Variants in NDUFAF6 observed in about 807,000 individuals in gnomAD.
NDUFAF6 encodes NADH dehydrogenase (ubiquinone) complex I, assembly factor 6.
In NDUFAF6, 45 loss-of-function variants were observed where a neutral mutation model predicts 40.8. The observed-to-expected ratio is 1.10, with a 90% CI of 0.87 to 1.42. The LOEUF (loss-of-function observed/expected upper bound fraction) is 1.42. NDUFAF6 is among the 40% of genes most tolerant of loss of function. NDUFAF6 has a pLI of 0.00. For synonymous variants in NDUFAF6, 185 were observed against 155.9 expected (o/e 1.19, Z -1.39); for missense variants, 435 against 418.5 (o/e 1.04, Z -0.34).
At chr8:94,910,279 A>G (rs952988227) in intron 1 of NDUFAF6, among the ~76,000 whole-genome samples, 2 of 152,050 alleles carry the variant, frequency 1.3e-5, no homozygotes, top group Non-Finnish European at 2.9e-5. Flanking sequence ...CAGCCTCCCA[A>G]GTAGCTGGGA....
chr8:94,934,479 G>A (rs970163090), intron 1 of NDUFAF6, among the ~76,000 whole-genome samples: 1 of 151,246 alleles, frequency 6.6e-6, no homozygotes, highest in African/African-American at 2.4e-5. Flanking sequence ...TCTGCCTCCC[G>A]GGTTCAAGCA....
intron 1 of NDUFAF6, among the ~76,000 whole-genome samples, chr8:94,976,698 G>A (rs779006824): frequency 1.3e-5 from 2 of 151,912 alleles, no homozygotes; most frequent in Non-Finnish European, 2.9e-5. Flanking sequence ...CTGATGTTTG[G>A]AGAATGATGG....
At chr8:94,967,855 C>T (rs1238308278) in intron 1 of NDUFAF6, among the ~76,000 whole-genome samples, 4 of 151,638 alleles carry the variant, frequency 2.6e-5, no homozygotes, top group Admixed American at 6.6e-5. Context: ...GCAGGAGAAT[C>T]GTTCGAACCT....
intron 1 of NDUFAF6, among the ~76,000 whole-genome samples, chr8:94,966,994 A>G (rs867005975): frequency 6.6e-6 from 1 of 152,194 alleles, no homozygotes; most frequent in Non-Finnish European, 1.5e-5. Flanking sequence ...TGCACCAACT[A>G]AATCAGGTTC....
Position 95,011,450 on chromosome 8 carries a change from G to A in NDUFAF6, c.-83-20545G>A, listed in dbSNP as rs112049419. Among the ~76,000 whole-genome samples, 1,479 of 152,274 alleles carry A rather than the reference G, an allele frequency of 9.7e-3. 16 individuals are homozygous for A. The highest frequency in any genetic ancestry group is 0.016 in the Non-Finnish European group (1,079 of 68,022). On this transcript the variant is annotated intron_variant, in intron 2 of 9. Transcript: ENST00000396111. ...TCCCTTAATCTGATAAAATGGTTGT[G>A]GGAAATTCTTGCTTTAAGTGGCACT...
At position 95,031,869 on chromosome 8, in the gene NDUFAF6, G is replaced by C. The variant is rs568205410; in HGVS notation, c.198-126G>C. 119 of 860,230 alleles carry C rather than the reference G, an allele frequency of 1.4e-4. 1 individual carries two copies. The East Asian group carries it at 3.1e-3, about 22-fold the overall frequency. 53.3% of individuals were successfully genotyped at this position (860,230 alleles called of 1,614,324 possible). A position where few individuals can be genotyped will look rare whatever the true frequency, so the allele number is the denominator to read the frequency against. On this transcript the variant is annotated intron_variant, in intron 1 of 8. Coordinates refer to ENST00000396124, the MANE Select transcript of NDUFAF6 (RefSeq NM_152416.4). ...GCCCGCCTTGGCCTCCCAAAGTGCTGGGATTACAGGCATGAGCTACCGCGC... is the reference window on the plus strand; with the variant it reads ...GCCCGCCTTGGCCTCCCAAAGTGCTCGGATTACAGGCATGAGCTACCGCGC...
At chr8:95,113,842 T>G (rs1393500442) in intron 4 of NDUFAF6, among the ~76,000 whole-genome samples, 1 of 152,030 alleles carries the variant, frequency 6.6e-6, no homozygotes, top group Non-Finnish European at 1.5e-5. Context: ...AGAGACTCCG[T>G]CTCAAAATTT....
intron 2 of NDUFAF6, among the ~76,000 whole-genome samples, chr8:95,011,255 C>T (rs1827216725): frequency 6.6e-6 from 1 of 152,188 alleles, no homozygotes; most frequent in Non-Finnish European, 1.5e-5. Flanking sequence ...CAAAAAACTT[C>T]AAATCTTATC....
chr8:95,076,514 T>C (rs1268474963), downstream of NDUFAF6, among the ~76,000 whole-genome samples: 1 of 152,210 alleles, frequency 6.6e-6, no homozygotes, highest in East Asian at 1.9e-4. Context: ...TCTCTTCGTC[T>C]TTTTCTTCCT....
chr8:95,039,845 C>A (rs932562549), intron 3 of NDUFAF6, among the ~76,000 whole-genome samples: 2 of 152,076 alleles, frequency 1.3e-5, no homozygotes, highest in African/African-American at 4.8e-5. Context: ...TGGTCTTGAA[C>A]TCCTGAACTC....
rs190162853 is a variant in NDUFAF6, at chr8:95,100,901, G to A, written n.136-231G>A. ...GCTCTCTTCCCTCCCGACCCCCCTC[G>A]CCCCAAGGTTACCGTAAAAAGCGGG... On this transcript the variant is annotated intron_variant and non_coding_transcript_variant, in intron 1 of 2. Transcript: ENST00000521063. 9.6e-4 allele frequency among the ~76,000 whole-genome samples: 146 copies of A among 152,096 alleles called. 1 individual carries two copies. Among genetic ancestry groups the A allele is most frequent in the Non-Finnish European group, 1.8e-3 (123 of 67,996 alleles).
chr8:94,899,516 A>G (rs1817878160), intron 1 of NDUFAF6, among the ~76,000 whole-genome samples: 1 of 152,108 alleles, frequency 6.6e-6, no homozygotes, highest in African/African-American at 2.4e-5. Context: ...TTCCACCAAC[A>G]CTATAAGACA....
intron 1 of NDUFAF6, among the ~76,000 whole-genome samples, chr8:94,978,102 G>T (rs1442968074): frequency 1.3e-5 from 2 of 152,074 alleles, no homozygotes; most frequent in African/African-American, 4.8e-5. Context: ...GCAACTCTTG[G>T]GGGGCTCCTG....
At chr8:94,904,207 G>A (rs1294519716) in intron 1 of NDUFAF6, among the ~76,000 whole-genome samples, 1 of 150,878 alleles carries the variant, frequency 6.6e-6, no homozygotes, top group East Asian at 1.9e-4. Flanking sequence ...GCAGTGGCGC[G>A]ATCTCGGCTC....
At chr8:95,114,163 A>ACAAACAAAC (rs1554693678) in intron 4 of NDUFAF6, among the ~76,000 whole-genome samples, 156 of 151,502 alleles carry the variant, frequency 1.0e-3, no homozygotes, top group Non-Finnish European at 1.6e-3. Flanking sequence ...TAATAATAAT[A>ACAAACAAAC]AAACAAACAA....
chr8:94,969,350 C>T (rs999464089), intron 1 of NDUFAF6, among the ~76,000 whole-genome samples: 1 of 152,204 alleles, frequency 6.6e-6, no homozygotes, highest in African/African-American at 2.4e-5. Context: ...AAGAGAGGTG[C>T]TGTTGCCCTT....
intron 2 of NDUFAF6, among the ~76,000 whole-genome samples, chr8:94,986,424 G>A (rs1450495651): frequency 6.6e-6 from 1 of 152,174 alleles, no homozygotes; most frequent in Non-Finnish European, 1.5e-5. Flanking sequence ...AGACATGAAG[G>A]TCCTTGAGGA....
intron 1 of NDUFAF6, among the ~76,000 whole-genome samples, chr8:94,896,290 G>A (rs1191130640): frequency 2.0e-5 from 3 of 148,526 alleles, no homozygotes; most frequent in Admixed American, 6.7e-5. Flanking sequence ...CCGCCAGCGC[G>A]CCCTGCGGAG....
intron 2 of NDUFAF6, among the ~76,000 whole-genome samples, chr8:94,984,427 C>T (rs2131592315): frequency 6.6e-6 from 1 of 152,290 alleles, no homozygotes; most frequent in South Asian, 2.1e-4. Flanking sequence ...AAACAAAAAA[C>T]TGATAATGTT....
Sources: gnomAD v4.1 joint callset for allele counts (sites outside exome capture counted in the v4.1 genomes callset) on GRCh38, gnomAD v4.1.1 for gene constraint, MANE v1.5 for transcripts, NCBI Gene and HGNC (gene_info 2026-07-23, HGNC 2026-07-21) for gene names.